ETV6: variants seen among roughly 807,000 people sequenced by gnomAD.
ETV6 encodes the protein ETS variant transcription factor 6.
Under a neutral mutation model 51.1 loss-of-function variants are expected in ETV6, and 16 were observed. The observed-to-expected ratio is 0.31, with a 90% CI of 0.21 to 0.48. ETV6 has a LOEUF of 0.48. ETV6 is among the 20% of genes least tolerant of loss of function. The pLI, the probability that ETV6 is intolerant of heterozygous loss-of-function variation, is 0.99. For missense variants in ETV6, 458 were observed against 594.8 expected, an observed-to-expected ratio of 0.77 and a Z score of 2.39; for synonymous variants, 240 against 224.1, an observed-to-expected ratio of 1.07 and a Z score of -0.64.
chr12:11,671,921 G>C (rs1443360182), intron 1 of ETV6, among the ~76,000 whole-genome samples: 1 of 124,642 alleles, frequency 8.0e-6, no homozygotes, highest in East Asian at 2.3e-4. Context: ...TTTTTAATTG[G>C]GTGTTTTTAG....
chr12:11,685,623 T>C (rs1293846702), intron 1 of ETV6, among the ~76,000 whole-genome samples: 1 of 152,254 alleles, frequency 6.6e-6, no homozygotes, highest in African/African-American at 2.4e-5. Flanking sequence ...TGTATTTTCA[T>C]GTACATATGA....
chr12:11,700,996 CCT>C (rs1436533743), intron 1 of ETV6, among the ~76,000 whole-genome samples: 1 of 152,052 alleles, frequency 6.6e-6, no homozygotes, highest in Non-Finnish European at 1.5e-5. Context: ...TGAGGAGGAT[CCT>C]CTCATTCCAG....
intron 1 of ETV6, among the ~76,000 whole-genome samples, chr12:11,730,133 G>A (rs1865566567): frequency 6.6e-6 from 1 of 152,146 alleles, no homozygotes; most frequent in Non-Finnish European, 1.5e-5. Flanking sequence ...GAAACACAGT[G>A]CATTTGACTC....
At chr12:11,751,270 TAAAG>T (rs2121061720) in intron 1 of ETV6, 1 of 508,446 alleles carries the variant, frequency 2.0e-6, no homozygotes, top group South Asian at 1.4e-5. Context: ...TGTAAAATGT[TAAAG>T]AACTATCTTT....
At chr12:11,792,727 A>G (rs887969318) in intron 2 of ETV6, among the ~76,000 whole-genome samples, 1 of 151,914 alleles carries the variant, frequency 6.6e-6, no homozygotes, top group Non-Finnish European at 1.5e-5. Context: ...GTCAGGTCCC[A>G]TTTGCTAATG....
intron 1 of ETV6, among the ~76,000 whole-genome samples, chr12:11,683,576 C>A (rs1309608612): frequency 3.3e-5 from 5 of 152,102 alleles, no homozygotes; most frequent in Non-Finnish European, 5.9e-5. Flanking sequence ...TGCCACTAGA[C>A]TGTATTATTT....
intron 2 of ETV6, among the ~76,000 whole-genome samples, chr12:11,811,304 A>T (rs1052574940): frequency 2.0e-5 from 3 of 152,266 alleles, no homozygotes; most frequent in African/African-American, 7.2e-5. Context: ...AAGGCTGTTT[A>T]GCAAAGGCCA....
chr12:11,695,841 C>T (rs530149678), intron 1 of ETV6, among the ~76,000 whole-genome samples: 5 of 152,290 alleles, frequency 3.3e-5, no homozygotes, highest in East Asian at 3.9e-4. Flanking sequence ...GAGTCTCATG[C>T]GGTCAGCAGC....
intron 2 of ETV6, among the ~76,000 whole-genome samples, chr12:11,785,218 GT>G (rs1307922877): frequency 6.6e-6 from 1 of 152,072 alleles, no homozygotes; most frequent in East Asian, 1.9e-4. Context: ...TACCAAGCAT[GT>G]TCCTACCTCA....
chr12:11,835,970 AG>A (rs1333198239), intron 2 of ETV6, among the ~76,000 whole-genome samples: 1 of 152,212 alleles, frequency 6.6e-6, no homozygotes, highest in East Asian at 1.9e-4. Context: ...TCCCTATCAT[AG>A]GGTTGTGTGA....
intron 1 of ETV6, among the ~76,000 whole-genome samples, chr12:11,732,277 A>G (rs552925816): frequency 2.6e-5 from 4 of 152,232 alleles, no homozygotes; most frequent in African/African-American, 9.6e-5. Flanking sequence ...TTACTGCACT[A>G]TATGGTGAAA....
chr12:11,772,358 C>T (rs535703352), intron 2 of ETV6, among the ~76,000 whole-genome samples: 1 of 152,308 alleles, frequency 6.6e-6, no homozygotes, highest in South Asian at 2.1e-4. Context: ...TGAACCTCTT[C>T]CCTGGGAAAC....
chr12:11,794,230 T>C (rs1458603426), intron 2 of ETV6, among the ~76,000 whole-genome samples: 2 of 152,198 alleles, frequency 1.3e-5, no homozygotes, highest in African/African-American at 4.8e-5. Context: ...GAAGCAGCTT[T>C]AAGAGTGCAC....
At position 11,683,328 on chromosome 12, in the gene ETV6, G is replaced by A. The variant is rs74241142; in HGVS notation, c.33+33168G>A. On this transcript the variant is annotated intron_variant, in intron 1 of 7. Coordinates refer to ENST00000396373, the MANE Select transcript of ETV6 (RefSeq NM_001987.5). ...CAAAGTGCTGGGATTACAGGCATGA[G>A]CTACTGAGCCAGGCCATGTTTGAAT... 6.2e-3 allele frequency among the ~76,000 whole-genome samples: 949 copies of A among 152,306 alleles called. 26 individuals carry two copies. The East Asian group carries it at 0.08, about 13-fold the overall frequency.
chr12:11,774,759 A>G (rs779682158), intron 2 of ETV6, among the ~76,000 whole-genome samples: 5 of 152,210 alleles, frequency 3.3e-5, no homozygotes, highest in Non-Finnish European at 7.3e-5. Flanking sequence ...CAGCCACGGT[A>G]CTGAGGACCA....
chr12:11,843,177 G>C (rs1946414760), intron 3 of ETV6, among the ~76,000 whole-genome samples: 1 of 152,228 alleles, frequency 6.6e-6, no homozygotes, highest in South Asian at 2.1e-4. Flanking sequence ...GAACACAGGA[G>C]TATTGCGAAT....
At chr12:11,752,613 T>C (rs1411919683) in intron 2 of ETV6, 34 bp downstream of exon 2, 4 of 1,589,618 alleles carry the variant, frequency 2.5e-6, no homozygotes, top group Non-Finnish European at 3.4e-6. Context: ...GACAGAGGAT[T>C]GATGGCGTGG....
At chr12:11,823,475 T>C (rs1273819002) in intron 2 of ETV6, among the ~76,000 whole-genome samples, 1 of 151,472 alleles carries the variant, frequency 6.6e-6, no homozygotes, top group Non-Finnish European at 1.5e-5. Context: ...TTTTCTTTTT[T>C]TTTTTTTTTG....
chr12:11,831,082 A>G (rs1036455774), intron 2 of ETV6, among the ~76,000 whole-genome samples: 13 of 152,328 alleles, frequency 8.5e-5, no homozygotes, highest in African/African-American at 3.1e-4. Context: ...ATCCTGACTT[A>G]TCAACTGCAT....
Sources: gnomAD v4.1 joint callset for allele counts (sites outside exome capture counted in the v4.1 genomes callset) on GRCh38, gnomAD v4.1.1 for gene constraint, MANE v1.5 for transcripts, NCBI Gene and HGNC (gene_info 2026-07-23, HGNC 2026-07-21) for gene names.